The following MSRA variants were observed in gnomAD, a reference collection of about 807,000 sequenced individuals.
The protein encoded by MSRA is methionine sulfoxide reductase A.
Under a neutral mutation model 31.3 loss-of-function variants are expected in MSRA, and 54 were observed. The observed-to-expected ratio is 1.73, with a 90% CI of 1.39 to 2.17. MSRA has a LOEUF of 2.17. MSRA is among the 30% of genes most tolerant of loss of function. The pLI is 0.00. For missense variants in MSRA, 507 were observed against 300.9 expected, an observed-to-expected ratio of 1.69 and a Z score of -5.07; for synonymous variants, 169 against 116.5, an observed-to-expected ratio of 1.45 and a Z score of -2.90.
chr8:10,311,551 A>G (rs970833802), intron 4 of MSRA, among the ~76,000 whole-genome samples: 1 of 152,190 alleles, frequency 6.6e-6, no homozygotes, highest in African/African-American at 2.4e-5. Flanking sequence ...AAGGGATTAA[A>G]ATCATGTAGC....
chr8:10,078,723 C>T (rs756515344), intron 1 of MSRA, among the ~76,000 whole-genome samples: 8 of 152,214 alleles, frequency 5.3e-5, no homozygotes, highest in Non-Finnish European at 1.0e-4. Flanking sequence ...CATTTTTCTG[C>T]CCTTCCCATG....
chr8:10,338,498 A>G (rs560793781), intron 5 of MSRA, among the ~76,000 whole-genome samples: 6 of 152,308 alleles, frequency 3.9e-5, no homozygotes, highest in Non-Finnish European at 8.8e-5. Context: ...AACACGTCTC[A>G]CCATAAAAAA....
chr8:10,088,193 C>T (rs1731835576), intron 1 of MSRA, among the ~76,000 whole-genome samples: 1 of 152,186 alleles, frequency 6.6e-6, no homozygotes, highest in Non-Finnish European at 1.5e-5. Flanking sequence ...ATGCTACCAT[C>T]TGTAACCACC....
chr8:10,153,421 C>T (rs1161640499), intron 1 of MSRA, among the ~76,000 whole-genome samples: 1 of 152,188 alleles, frequency 6.6e-6, no homozygotes, highest in Non-Finnish European at 1.5e-5. Context: ...CCTGCTGGTC[C>T]ACCCGACCTA....
intron 1 of MSRA, among the ~76,000 whole-genome samples, chr8:10,163,477 G>A (rs906211320): frequency 6.6e-6 from 1 of 152,206 alleles, no homozygotes; most frequent in East Asian, 1.9e-4. Flanking sequence ...CCCGGAGGCC[G>A]TTCCTCACTG....
intron 1 of MSRA, among the ~76,000 whole-genome samples, chr8:10,197,714 A>T (rs1808117455): frequency 6.6e-6 from 1 of 152,052 alleles, no homozygotes; most frequent in Non-Finnish European, 1.5e-5. Flanking sequence ...CCCACCTGGG[A>T]GTTGATAAGC....
intron 1 of MSRA, among the ~76,000 whole-genome samples, chr8:10,074,058 CTTTTTTTTTTTTTTTTTTTTTTTTTT>C (rs534642712): frequency 0.068 from 2,010 of 29,504 alleles, 125 homozygotes; most frequent in African/African-American, 0.23. Context: ...AAGGGAGGTG[CTTTTTTTTTTTTTTTTTTTTTTTTTT>C]TTTTTTTTTT....
chr8:10,193,738 T>C (rs1431569155), intron 1 of MSRA, among the ~76,000 whole-genome samples: 2 of 152,208 alleles, frequency 1.3e-5, no homozygotes. Context: ...TGTTTCTTAA[T>C]ATGAATATGC....
chr8:10,056,198 CAAAAAAAA>C (rs35457688), intron 1 of MSRA, among the ~76,000 whole-genome samples: 2 of 91,018 alleles, frequency 2.2e-5, no homozygotes, highest in East Asian at 3.4e-4. Context: ...TCCCATACAC[CAAAAAAAA>C]AAAAAAAAAA....
chr8:10,142,793 A>C (rs1802824521), intron 1 of MSRA, among the ~76,000 whole-genome samples: 1 of 152,258 alleles, frequency 6.6e-6, no homozygotes, highest in South Asian at 2.1e-4. Flanking sequence ...GATAATAGCC[A>C]TAATAGTTTT....
chr8:10,176,308 C>T (rs557500669), intron 1 of MSRA, among the ~76,000 whole-genome samples: 1 of 152,258 alleles, frequency 6.6e-6, no homozygotes, highest in South Asian at 2.1e-4. Context: ...CAAATCAAGC[C>T]TCCTCAGAGA....
At chr8:10,268,771 A>G (rs982087188) in intron 3 of MSRA, among the ~76,000 whole-genome samples, 4 of 152,242 alleles carry the variant, frequency 2.6e-5, no homozygotes, top group Non-Finnish European at 5.9e-5. Flanking sequence ...GATTTTCTTA[A>G]TAGAACACAT....
chr8:10,119,436 C>T (rs1456722421), intron 1 of MSRA, among the ~76,000 whole-genome samples: 2 of 152,090 alleles, frequency 1.3e-5, no homozygotes, highest in African/African-American at 2.4e-5. Context: ...CGATTAAGTC[C>T]CAGGCTTGGG....
At chr8:10,402,955 T>C (rs1807556965) in intron 5 of MSRA, among the ~76,000 whole-genome samples, 1 of 152,188 alleles carries the variant, frequency 6.6e-6, no homozygotes, top group Non-Finnish European at 1.5e-5. Flanking sequence ...ATTGAAGCCA[T>C]GGCCAAAGGA....
rs538714201 is a variant in MSRA, at chr8:10,301,510, G to A, written c.332-24G>A. 8 of 1,585,526 alleles carry A rather than the reference G, an allele frequency of 5.0e-6. No homozygotes were observed. In the South Asian group the frequency reaches 9.1e-5, roughly 18 times the overall value. On this transcript the variant is annotated intron_variant, in intron 3 of 5. Coordinates refer to ENST00000317173, the MANE Select transcript of MSRA (RefSeq NM_012331.5). ...AAATGGATGTTGTCAGTAAATTTCG[G>A]TTGTACGTTTTGTTTTTTCCAAGAA...
In MSRA at chr8:10,252,789, T is replaced by C. The variant is rs193117817; in HGVS notation, c.331+7566T>C. ...TTTACAGTATACAAGGGTGATGGCA[T>C]TGCAATAAGTAAAACATGCACTCAG... On this transcript the variant is annotated intron_variant, in intron 3 of 5. Coordinates refer to ENST00000317173, the MANE Select transcript of MSRA (RefSeq NM_012331.5). Among the ~76,000 whole-genome samples the C allele has an allele frequency of 5.1e-3, 770 of 152,298 alleles. 11 individuals are homozygous for C. The highest frequency in any genetic ancestry group is 0.02 in the Middle Eastern group (6 of 294).
chr8:10,325,451 T>C lies in MSRA; in HGVS notation c.543+5462T>C, dbSNP rs557820430. 2.0e-5 allele frequency among the ~76,000 whole-genome samples: 3 copies of C among 152,294 alleles called. No individual in the cohort carries two copies. The South Asian group carries it at 6.2e-4, about 32-fold the overall frequency. On this transcript the variant is annotated intron_variant, in intron 5 of 5. Transcript: ENST00000317173. The stretch of plus-strand genomic sequence containing the variant: ...TAATCAAGCAGTTTTAAGTCATGTA[T>C]AGATCTTAGGTGTTTATCTGTGTAC...
At chr8:10,341,482 C>G (rs936213155) in intron 5 of MSRA, among the ~76,000 whole-genome samples, 5 of 152,222 alleles carry the variant, frequency 3.3e-5, no homozygotes, top group African/African-American at 1.2e-4. Flanking sequence ...ACACCTTCCA[C>G]TAGGCCCCAC....
intron 5 of MSRA, among the ~76,000 whole-genome samples, chr8:10,424,763 G>T (rs867122774): frequency 2.0e-5 from 3 of 152,278 alleles, no homozygotes; most frequent in African/African-American, 7.2e-5. Flanking sequence ...AGGTGCTGGG[G>T]CAGGCCCAGA....
Sources: gnomAD v4.1 joint callset for allele counts (sites outside exome capture counted in the v4.1 genomes callset) on GRCh38, gnomAD v4.1.1 for gene constraint, MANE v1.5 for transcripts, NCBI Gene and HGNC (gene_info 2026-07-23, HGNC 2026-07-21) for gene names.